The following APAF1 variants were observed in gnomAD, a reference collection of about 807,000 sequenced individuals.
APAF1 encodes apoptotic peptidase activating factor 1.
A neutral mutation model predicts 152.4 loss-of-function variants in APAF1; 91 were observed. The observed-to-expected ratio is 0.60, with a 90% confidence interval of 0.50 to 0.71. The LOEUF (loss-of-function observed/expected upper bound fraction) is 0.71. Among genes scored for constraint, APAF1 ranks in the 30% least tolerant of loss-of-function variants. The pLI is 0.00. For missense variants in APAF1, 1,283 were observed against 1,472.0 expected (o/e 0.87, Z 2.10); for synonymous variants, 484 against 494.1 (o/e 0.98, Z 0.27).
chr12:98,704,066 C>G lies in APAF1; in HGVS notation c.2595+567C>G, dbSNP rs111293527. 6.6e-3 allele frequency among the ~76,000 whole-genome samples: 995 copies of G among 151,898 alleles called. 12 individuals carry two copies. The highest frequency in any genetic ancestry group is 0.023 in the African/African-American group (936 of 41,426). On this transcript the variant is annotated intron_variant, in intron 18 of 26. Transcript: ENST00000551964. ...TGGAAGAATTCCACCCAGTGAAGTG[C>G]TATATTAGTTTTTTCATAAAGTAGT...
chr12:98,656,935 G>A (rs540638821), intron 4 of APAF1, among the ~76,000 whole-genome samples: 2 of 152,232 alleles, frequency 1.3e-5, no homozygotes, highest in African/African-American at 4.8e-5. Context: ...ATTGACGATT[G>A]GAGTTCGTAG....
At chr12:98,668,640 C>T (rs1339144766) in intron 10 of APAF1, among the ~76,000 whole-genome samples, 3 of 151,920 alleles carry the variant, frequency 2.0e-5, no homozygotes, top group Non-Finnish European at 4.4e-5. Flanking sequence ...ATGCATTATA[C>T]GAGAAAGAGA....
chr12:98,722,604 C>T (rs1311137615), intron 22 of APAF1, among the ~76,000 whole-genome samples: 2 of 152,074 alleles, frequency 1.3e-5, no homozygotes, highest in Non-Finnish European at 2.9e-5. Context: ...TTATTTCATT[C>T]CCCCCACCCC....
chr12:98,727,948 G>T lies in APAF1; in HGVS notation c.3600+632G>T, dbSNP rs1432856586. 9.2e-5 allele frequency among the ~76,000 whole-genome samples: 13 copies of T among 140,946 alleles called. No individual in the cohort carries two copies. In the East Asian group the frequency reaches 2.5e-3, roughly 27 times the overall value. The allele number at this position is 140,946 out of a possible 152,430, so 92.5% of individuals were successfully genotyped here. Reference sequence around the variant, plus strand: ...AAGAGCAAAACTCTGTCTCAAAAAAGAAAATAAATAAATAAATAAATTAAT... The same window carrying T: ...AAGAGCAAAACTCTGTCTCAAAAAATAAAATAAATAAATAAATAAATTAAT... On this transcript the variant is annotated intron_variant, in intron 26 of 26. Transcript: ENST00000551964.
chr12:98,675,945 T>C (rs1012195143), intron 12 of APAF1, among the ~76,000 whole-genome samples: 2 of 152,214 alleles, frequency 1.3e-5, no homozygotes, highest in Admixed American at 1.3e-4. Flanking sequence ...TCGGGTGCTG[T>C]TTAGAATAGA....
At chr12:98,647,849 G>C (rs1306222338) in intron 1 of APAF1, among the ~76,000 whole-genome samples, 1 of 151,346 alleles carries the variant, frequency 6.6e-6, no homozygotes, top group Non-Finnish European at 1.5e-5. Context: ...TATTCAGAAT[G>C]ATGGACATTT....
Position 98,724,417 on chromosome 12 carries a change from CACCTATT to C in APAF1, c.3330+659_3330+665del, listed in dbSNP as rs200948182. Among the ~76,000 whole-genome samples, 468 of 152,308 alleles carry C rather than the reference CACCTATT, an allele frequency of 3.1e-3. 2 individuals carry two copies. The highest frequency in any genetic ancestry group is 0.011 in the African/African-American group (443 of 41,556). The stretch of plus-strand genomic sequence containing the variant: ...CCACTGCCTGTGTCCCTTGTTGAAA[CACCTATT>C]ACCTAACGGTTTATAGGCCAACCAC... On this transcript the variant is annotated intron_variant, in intron 24 of 26. Transcript: ENST00000551964.
At chr12:98,658,467 C>A (rs537612869) in intron 4 of APAF1, among the ~76,000 whole-genome samples, 1 of 152,142 alleles carries the variant, frequency 6.6e-6, no homozygotes, top group Non-Finnish European at 1.5e-5. Context: ...TTTTTCACAG[C>A]AACTCTGAAA....
intron 16 of APAF1, among the ~76,000 whole-genome samples, chr12:98,691,912 C>G (rs911481517): frequency 1.3e-5 from 2 of 152,170 alleles, no homozygotes; most frequent in African/African-American, 4.8e-5. Flanking sequence ...CTCATGGCTT[C>G]AACTCATCTT....
intron 12 of APAF1, among the ~76,000 whole-genome samples, chr12:98,673,597 G>A (rs2097683253): frequency 6.6e-6 from 1 of 152,118 alleles, no homozygotes; most frequent in Non-Finnish European, 1.5e-5. Flanking sequence ...AGTCCAGGTT[G>A]GTATCTGTGA....
intron 3 of APAF1, chr12:98,649,234 TA>T: frequency 9.1e-6 from 9 of 983,770 alleles, no homozygotes; most frequent in Non-Finnish European, 1.1e-5. Context: ...AGTCAGGAAA[TA>T]ATTGGGTGAG....
intron 17 of APAF1, among the ~76,000 whole-genome samples, chr12:98,701,265 G>A (rs1212416523): frequency 2.0e-5 from 3 of 152,152 alleles, no homozygotes; most frequent in Non-Finnish European, 4.4e-5. Context: ...CCATTCATCT[G>A]TTGATGGACA....
chr12:98,717,058 T>C (rs1173011823), intron 22 of APAF1, among the ~76,000 whole-genome samples: 1 of 151,634 alleles, frequency 6.6e-6, no homozygotes. Flanking sequence ...TTAGTAGAGA[T>C]GAGATTCCAC....
Position 98,665,721 on chromosome 12 carries a change from T to A in APAF1, c.1124T>A (p.Leu375His). 6.2e-7 allele frequency: 1 copy of A among 1,614,110 alleles called. No individual in the cohort carries two copies. The highest frequency in any genetic ancestry group is 8.5e-7 in the Non-Finnish European group (1 of 1,180,000). The change falls in exon 8 of 27, where the codon CTC becomes CAC. Residue 375 changes from leucine to histidine, a missense_variant. Physicochemically the swap from Leu to His is moderately conservative, Grantham distance 99. Coordinates refer to ENST00000551964, the MANE Select transcript of APAF1 (RefSeq NM_181861.2). ...GCCATGTCTATAAGTGTTGAAATGCTCAGAGAAGACATCAAAGATTATTAC... is the reference window on the plus strand; with the variant it reads ...GCCATGTCTATAAGTGTTGAAATGCACAGAGAAGACATCAAAGATTATTAC... ...DEAMSISVEM[L>H]REDIKDYYTD...
chr12:98,716,008 A>G (rs1295516914), intron 22 of APAF1, among the ~76,000 whole-genome samples: 5 of 152,208 alleles, frequency 3.3e-5, no homozygotes, highest in African/African-American at 1.2e-4. Context: ...GGAGGCCTAA[A>G]CTTACTATAT....
intron 5 of APAF1, among the ~76,000 whole-genome samples, chr12:98,659,968 G>C (rs766081615): frequency 3.4e-4 from 52 of 152,140 alleles, no homozygotes; most frequent in Non-Finnish European, 6.5e-4. Context: ...GTCTTTGCTA[G>C]AAAGTGCAAA....
intron 13 of APAF1, 75 bp downstream of exon 13, chr12:98,677,626 C>G: frequency 6.3e-7 from 1 of 1,586,208 alleles, no homozygotes; most frequent in Non-Finnish European, 8.6e-7. Flanking sequence ...TGTTTAAATC[C>G]TAAAATTCAA....
In APAF1 at chr12:98,734,750, T is replaced by G. The variant is rs2097766884; in HGVS notation, c.*2184T>G. ...TTAAGCAAATGTGAAAAGTGAAACC[T>G]TAATTTTATCAAAAGAAATTTCTGT... On this transcript the variant is annotated 3_prime_UTR_variant, in exon 27 of 27. Transcript: ENST00000551964. 1.9e-5 allele frequency: 3 copies of G among 156,964 alleles called. No individual in the cohort carries two copies. The highest frequency in any genetic ancestry group is 7.2e-5 in the African/African-American group (3 of 41,684). The allele number at this position is 156,964 out of a possible 1,614,324, so 9.7% of individuals were successfully genotyped here. A position where few individuals can be genotyped will look rare whatever the true frequency, so the allele number is the denominator to read the frequency against.
At chr12:98,696,971 A>G (rs1260558984) in intron 16 of APAF1, among the ~76,000 whole-genome samples, 1 of 152,226 alleles carries the variant, frequency 6.6e-6, no homozygotes, top group Non-Finnish European at 1.5e-5. Context: ...GAACCATGAA[A>G]ATCATAAACG....
Sources: allele counts gnomAD v4.1 joint callset (sites outside exome capture counted in the v4.1 genomes callset), GRCh38; gene constraint gnomAD v4.1.1; transcripts MANE v1.5; gene names NCBI Gene and HGNC (gene_info 2026-07-23, HGNC 2026-07-21).